TRERF1: variants seen among roughly 807,000 people sequenced by gnomAD.
TRERF1 encodes the protein transcriptional regulating factor 1.
Under a neutral mutation model 122.9 loss-of-function variants are expected in TRERF1, and 27 were observed. The observed-to-expected ratio is 0.22, with a 90% CI of 0.16 to 0.30. TRERF1 has a LOEUF of 0.30. TRERF1 is among the 10% of genes least tolerant of loss of function. TRERF1 has a pLI of 1.00. For missense variants in TRERF1, 1,248 were observed against 1,560.3 expected (o/e 0.80, Z 3.37); for synonymous variants, 636 against 641.7 (o/e 0.99, Z 0.13).
At chr6:42,388,123 C>T (rs529988548) in intron 2 of TRERF1, among the ~76,000 whole-genome samples, 4 of 152,186 alleles carry the variant, frequency 2.6e-5, no homozygotes, top group East Asian at 1.9e-4. Context: ...TTCTAGCCAG[C>T]GAGCTGCCTG....
chr6:42,412,252 C>T (rs937909828), intron 2 of TRERF1, among the ~76,000 whole-genome samples: 51 of 152,174 alleles, frequency 3.4e-4, no homozygotes, highest in Admixed American at 1.2e-3. Context: ...CCGCCCACTT[C>T]GGCCTCCCAA....
chr6:42,406,655 A>G (rs1479093606), intron 2 of TRERF1, among the ~76,000 whole-genome samples: 1 of 152,052 alleles, frequency 6.6e-6, no homozygotes, highest in Non-Finnish European at 1.5e-5. Flanking sequence ...CATCCCCCAT[A>G]CTGCATCTTA....
At chr6:42,321,442 T>TA (rs1182093702) in intron 3 of TRERF1, among the ~76,000 whole-genome samples, 321 of 151,918 alleles carry the variant, frequency 2.1e-3, no homozygotes, top group African/African-American at 7.3e-3. Flanking sequence ...GCAAAGTTTT[T>TA]AAAAAAAAGG....
At chr6:42,379,761 G>A (rs890538353) in intron 2 of TRERF1, among the ~76,000 whole-genome samples, 17 of 152,238 alleles carry the variant, frequency 1.1e-4, no homozygotes, top group South Asian at 2.1e-4. Flanking sequence ...GAAATCCTGA[G>A]CCCAAGCGAT....
intron 15 of TRERF1, among the ~76,000 whole-genome samples, chr6:42,237,838 C>T (rs1301902072): frequency 6.6e-6 from 1 of 152,194 alleles, no homozygotes. Context: ...AGTAGCCCCT[C>T]ACTGTTTCAG....
intron 2 of TRERF1, among the ~76,000 whole-genome samples, chr6:42,364,855 G>A (rs1003803808): frequency 6.6e-6 from 1 of 152,210 alleles, no homozygotes. Flanking sequence ...GGTGTGAAGG[G>A]CTGAGGAAGT....
At chr6:42,359,699 G>T (rs1771331921) in intron 3 of TRERF1, among the ~76,000 whole-genome samples, 1 of 152,108 alleles carries the variant, frequency 6.6e-6, no homozygotes, top group African/African-American at 2.4e-5. Flanking sequence ...ACTCTAGCCT[G>T]GTGACAGAGC....
At chr6:42,226,919 G>A (rs1769627033) in exon 18 of TRERF1, 1 of 152,266 alleles carries the variant, frequency 6.6e-6, no homozygotes, top group Non-Finnish European at 1.5e-5. Flanking sequence ...CTCCAAAAGG[G>A]GAGTTGCATG....
At chr6:42,266,282 G>A (rs1779173597) in intron 5 of TRERF1, among the ~76,000 whole-genome samples, 2 of 149,532 alleles carry the variant, frequency 1.3e-5, no homozygotes, top group African/African-American at 4.9e-5. Context: ...TCCACCACCT[G>A]GACTTAAGCA....
chr6:42,358,783 CTT>C (rs397886998), intron 3 of TRERF1, among the ~76,000 whole-genome samples: 16,454 of 124,846 alleles, frequency 0.13, 1,097 homozygotes, highest in East Asian at 0.26. Flanking sequence ...TGACCTAAAG[CTT>C]TTTTTTTTTT....
At chr6:42,426,656 T>C (rs1582161479) in intron 2 of TRERF1, among the ~76,000 whole-genome samples, 2 of 152,230 alleles carry the variant, frequency 1.3e-5, no homozygotes, top group African/African-American at 4.8e-5. Context: ...GACCTGCTGC[T>C]AAACCTGGCC....
At chr6:42,315,020 C>T (rs1051533776) in intron 3 of TRERF1, among the ~76,000 whole-genome samples, 5 of 152,134 alleles carry the variant, frequency 3.3e-5, no homozygotes, top group Non-Finnish European at 7.3e-5. Flanking sequence ...GAGGAGAGAA[C>T]GTTCACAGCA....
In TRERF1 at chr6:42,269,767, G is replaced by T. The variant is rs1032879859; in HGVS notation, c.-177C>A. 2 of 1,436,902 alleles carry T rather than the reference G, an allele frequency of 1.4e-6. No individual in the cohort carries two copies. Among genetic ancestry groups the T allele is most frequent in the Non-Finnish European group, 9.1e-7 (1 of 1,101,176 alleles). The allele number at this position is 1,436,902 out of a possible 1,614,324, so 89.0% of individuals were successfully genotyped here. ...GTTCCTGTTGGCCTGTACCACTCATGTGCAGGGCGGGGGGTTTCACATCCT... is the reference window on the plus strand; with the variant it reads ...GTTCCTGTTGGCCTGTACCACTCATTTGCAGGGCGGGGGGTTTCACATCCT... On this transcript the variant is annotated 5_prime_UTR_variant, in exon 5 of 18. Transcript: ENST00000372922. This position sits in a 1 kb window ranked among gnomAD's most constrained non-coding sequence, Gnocchi z 4.9.
Position 42,228,263 on chromosome 6 carries a change from A to G in TRERF1, c.*82T>C, listed in dbSNP as rs1769810956. ...AAACAGGTAGTTTAAAAGGGTTACA[A>G]AACAAGCAGGCAGTCCAGGTTTCCT... is the stretch of plus-strand genomic sequence containing the variant. On this transcript the variant is annotated 3_prime_UTR_variant, in exon 18 of 18. Coordinates refer to ENST00000372922, the Ensembl canonical transcript of TRERF1. This position sits in a 1 kb window ranked among gnomAD's most constrained non-coding sequence, Gnocchi z 4.2. 7.8e-7 allele frequency: 1 copy of G among 1,289,958 alleles called. No homozygotes were observed. Among genetic ancestry groups the G allele is most frequent in the East Asian group, 2.4e-5 (1 of 42,032 alleles). The allele number at this position is 1,289,958 out of a possible 1,614,324, so 79.9% of individuals were successfully genotyped here.
intron 8 of TRERF1, among the ~76,000 whole-genome samples, chr6:42,260,677 C>T (rs1247076607): frequency 6.6e-6 from 1 of 152,098 alleles, no homozygotes; most frequent in Non-Finnish European, 1.5e-5. Context: ...CCTCTCAGGC[C>T]CTGCAGGCCA....
chr6:42,394,289 C>A (rs1206928075), intron 2 of TRERF1, among the ~76,000 whole-genome samples: 1 of 152,088 alleles, frequency 6.6e-6, no homozygotes, highest in Non-Finnish European at 1.5e-5. Context: ...ATACCATCCC[C>A]GTGCCTCCTC....
rs1561857133 is a variant in TRERF1 at position 42,263,332 on chromosome 6, C to T, written c.1872G>A (p.Glu624=). The T allele has an allele frequency of 6.2e-6, 10 of 1,612,036 alleles. No homozygotes were observed. The highest frequency in any genetic ancestry group is 7.6e-6 in the Non-Finnish European group (9 of 1,179,150). The change falls in exon 8 of 18, where the codon GAG becomes GAA. Residue 624 remains glutamate (E), a synonymous_variant. Coordinates refer to ENST00000372922, the Ensembl canonical transcript of TRERF1. The surrounding 1 kb of genome is among the most constrained non-coding windows in gnomAD (Gnocchi z 5.6). Reference sequence around the variant, plus strand: ...GGGTCATCCTCACGAGCACAGGCATCTCGTCGTCCGACATCGAGCTGGCTG... The same window carrying T: ...GGGTCATCCTCACGAGCACAGGCATTTCGTCGTCCGACATCGAGCTGGCTG...
chr6:42,426,867 C>A (rs1322289380), intron 2 of TRERF1, among the ~76,000 whole-genome samples: 1 of 152,278 alleles, frequency 6.6e-6, no homozygotes, highest in East Asian at 1.9e-4. Flanking sequence ...GCCTAGAATT[C>A]TGCATATACT....
chr6:42,285,606 A>G lies in TRERF1; in HGVS notation c.-259+15032T>C, dbSNP rs1783058234. Reference sequence around the variant, plus strand: ...CCAGTTTTTGCCCATTCAGTATGATATTGGCTGTGGGTTTGTCATAGATAG... The same window carrying G: ...CCAGTTTTTGCCCATTCAGTATGATGTTGGCTGTGGGTTTGTCATAGATAG... On this transcript the variant is annotated intron_variant, in intron 4 of 17. Transcript: ENST00000372922. Among the ~76,000 whole-genome samples the G allele has an allele frequency of 3.3e-5, 5 of 150,530 alleles. No homozygotes were observed. The South Asian group carries it at 1.1e-3, about 32-fold the overall frequency.
Sources: allele counts gnomAD v4.1 joint callset (sites outside exome capture counted in the v4.1 genomes callset), GRCh38; gene constraint gnomAD v4.1.1; non-coding constraint Gnocchi (gnomAD v3.1); transcripts MANE v1.5; gene names NCBI Gene and HGNC (gene_info 2026-07-23, HGNC 2026-07-21).